The following WFS1 variants were observed in gnomAD, a reference collection of about 807,000 sequenced individuals.
WFS1 encodes wolframin ER transmembrane glycoprotein, also known as wolframin.
In WFS1, 90 loss-of-function variants were observed where a neutral mutation model predicts 68.5. That is an observed-to-expected ratio of 1.31 (90% CI 1.11 to 1.56). The LOEUF (loss-of-function observed/expected upper bound fraction) is 1.56. Among genes scored for constraint, WFS1 ranks in the 40% most tolerant of loss-of-function variants. WFS1 has a pLI of 0.00. For missense variants in WFS1, 1,767 were observed against 1,232.6 expected, an observed-to-expected ratio of 1.43 and a Z score of -6.49; for synonymous variants, 860 against 540.7, an observed-to-expected ratio of 1.59 and a Z score of -8.19.
chr4:6,299,863 G>C (rs1326331198), intron 7 of WFS1, among the ~76,000 whole-genome samples: 3 of 138,902 alleles, frequency 2.2e-5, no homozygotes, highest in African/African-American at 8.3e-5. Flanking sequence ...GAATGCGTGT[G>C]TGTAGGGGTG....
Position 6,288,002 on chromosome 4 carries a change from A to ATCAG in WFS1, c.315+827_315+828insTCAG, listed in dbSNP as rs1359693602. On this transcript the variant is annotated intron_variant, in intron 3 of 7. Coordinates refer to ENST00000226760, the MANE Select transcript of WFS1 (RefSeq NM_006005.3). Reference sequence around the variant, plus strand: ...GAGGCTGAGGCGGGTGGATCACCTGAGGTCAGGAGTTCGTGACCAGCCTGG... The same window carrying ATCAG: ...GAGGCTGAGGCGGGTGGATCACCTGATCAGGGTCAGGAGTTCGTGACCAGCCTGG... Among the ~76,000 whole-genome samples the ATCAG allele has an allele frequency of 6.6e-5, 10 of 152,274 alleles. No individual in the cohort carries two copies. The South Asian group carries it at 1.9e-3, about 28-fold the overall frequency.
chr4:6,301,571 G>A lies in WFS1; in HGVS notation c.1776G>A (p.Leu592=). Residue 592 remains leucine (L), a synonymous_variant, in exon 8 of 8, where the codon CTG becomes CTA. Transcript: ENST00000226760. ...VLQFARWFTS[L]ELTKIAVTVA... Reference sequence around the variant, plus strand: ...AGTTCGCCCGGTGGTTCACGTCTCTGGAGCTCACCAAGATCGCAGTCACCG... The same window carrying A: ...AGTTCGCCCGGTGGTTCACGTCTCTAGAGCTCACCAAGATCGCAGTCACCG... The A allele has an allele frequency of 5.0e-6, 8 of 1,614,148 alleles. No individual in the cohort carries two copies. Among genetic ancestry groups the A allele is most frequent in the South Asian group, 1.1e-5 (1 of 91,088 alleles).
intron 2 of WFS1, among the ~76,000 whole-genome samples, chr4:6,285,915 C>T (rs762536957): frequency 5.7e-4 from 87 of 152,318 alleles, no homozygotes; most frequent in Non-Finnish European, 1.1e-3. Context: ...CAGGTAACTT[C>T]TTAGGAAGTA....
intron 5 of WFS1, 94 bp downstream of exon 5, chr4:6,291,461 G>A: frequency 2.0e-6 from 3 of 1,511,234 alleles, no homozygotes; most frequent in Non-Finnish European, 2.7e-6. Flanking sequence ...CCTTCCCTCA[G>A]GGGCTGGGTC....
chr4:6,301,611 G>A lies in WFS1; in HGVS notation c.1816G>A (p.Val606Met), dbSNP rs750599648. Residue 606 changes from valine to methionine, a missense_variant, in exon 8 of 8, where the codon GTG becomes ATG. Coordinates refer to ENST00000226760, the MANE Select transcript of WFS1 (RefSeq NM_006005.3). Reference sequence around the variant, plus strand: ...CGCAGTCACCGTGGCGGTCTGTAGTGTGCCCCTGCTGTTGCGCTGGTGGAC... The same window carrying A: ...CGCAGTCACCGTGGCGGTCTGTAGTATGCCCCTGCTGTTGCGCTGGTGGAC... ...KIAVTVAVCSVPLLLRWWTKA... is the reference protein window; with the variant it reads ...KIAVTVAVCSMPLLLRWWTKA... 2.5e-6 allele frequency: 4 copies of A among 1,614,156 alleles called. No homozygotes were observed. The highest frequency in any genetic ancestry group is 2.7e-5 in the African/African-American group (2 of 75,064).
At chr4:6,288,802 G>A in intron 3 of WFS1, 185 bp from the exon 4 acceptor site, 1 of 843,546 alleles carries the variant, frequency 1.2e-6, no homozygotes, top group East Asian at 2.7e-5. Context: ...CGTGTTTTGA[G>A]GAGCGAGTGG....
At chr4:6,270,599 G>A (rs1024131322) in intron 1 of WFS1, among the ~76,000 whole-genome samples, 1 of 152,212 alleles carries the variant, frequency 6.6e-6, no homozygotes, top group Non-Finnish European at 1.5e-5. Flanking sequence ...CCCCTCAGTA[G>A]AGAGTTGAGG....
At position 6,277,504 on chromosome 4, in the gene WFS1, C is replaced by T. The variant is rs1387199594; in HGVS notation, c.49C>T (p.Pro17Ser). Residue 17 changes from proline (P) to serine (S), a missense_variant, in exon 2 of 8, where the codon CCA becomes TCA. Transcript: ENST00000226760. ...PLGPSCPQPP[P>S]APQPQARSRL... The stretch of plus-strand genomic sequence containing the variant: ...GGGCCCCTCCTGCCCACAGCCCCCG[C>T]CAGCACCGCAGCCCCAGGCGCGTTC... The T allele has an allele frequency of 2.5e-6, 4 of 1,577,686 alleles. No homozygotes were observed. The highest frequency in any genetic ancestry group is 3.4e-6 in the Non-Finnish European group (4 of 1,162,364).
In WFS1 at chr4:6,300,704, G is replaced by C. The variant is rs758091097; in HGVS notation, c.909G>C (p.Leu303=). 6.8e-6 allele frequency: 11 copies of C among 1,613,948 alleles called. No homozygotes were observed. The highest frequency in any genetic ancestry group is 9.3e-6 in the Non-Finnish European group (11 of 1,179,994). ...CCATCATGGAGATCAAGGAGTACCT[G>C]ATTGACATGGCCTCCAGGGCAGGCA... ...LHAIMEIKEY[L]IDMASRAGMH... The change falls in exon 8 of 8, where the codon CTG becomes CTC. Residue 303 remains leucine, a synonymous_variant. Transcript: ENST00000226760.
intron 1 of WFS1, among the ~76,000 whole-genome samples, chr4:6,271,576 A>G (rs1377656896): frequency 6.6e-6 from 1 of 151,804 alleles, no homozygotes; most frequent in East Asian, 1.9e-4. Context: ...CCACTTCCCT[A>G]CTTCCGGAAG....
At chr4:6,297,112 GAC>G (rs1730659192) in intron 7 of WFS1, among the ~76,000 whole-genome samples, 1 of 152,262 alleles carries the variant, frequency 6.6e-6, no homozygotes, top group Non-Finnish European at 1.5e-5. Flanking sequence ...TCAGGCGTGA[GAC>G]ACTGTATCCA....
chr4:6,281,725 G>A (rs917601755), intron 2 of WFS1, among the ~76,000 whole-genome samples: 2 of 152,072 alleles, frequency 1.3e-5, no homozygotes, highest in African/African-American at 4.8e-5. Context: ...CTGCCCTGGG[G>A]ACAGGCACAG....
At chr4:6,280,869 C>T (rs3889821) in intron 2 of WFS1, among the ~76,000 whole-genome samples, 85,408 of 150,610 alleles carry the variant, frequency 0.57, 25,151 homozygotes, top group East Asian at 0.93. Context: ...AGGTGAGATT[C>T]GGGAGCTTTC....
At chr4:6,279,439 C>T (rs1032632439) in intron 2 of WFS1, among the ~76,000 whole-genome samples, 2 of 152,168 alleles carry the variant, frequency 1.3e-5, no homozygotes, top group African/African-American at 4.8e-5. Flanking sequence ...CCCAGCGTCC[C>T]GTGGTTGGTG....
chr4:6,297,524 A>G (rs528034439), intron 7 of WFS1, among the ~76,000 whole-genome samples: 56 of 152,328 alleles, frequency 3.7e-4, no homozygotes, highest in Middle Eastern at 3.4e-3. Context: ...TTAACATTAC[A>G]TAATTGGAAG....
At chr4:6,292,030 C>T (rs921165472) in intron 6 of WFS1, 33 bp downstream of exon 6, 4 of 1,571,096 alleles carry the variant, frequency 2.5e-6, no homozygotes, top group Admixed American at 1.8e-5. Flanking sequence ...CTCACCCATG[C>T]CTCCCAGCCT....
intron 7 of WFS1, among the ~76,000 whole-genome samples, chr4:6,295,586 C>T (rs373695895): frequency 6.6e-6 from 1 of 152,180 alleles, no homozygotes; most frequent in Middle Eastern, 3.2e-3. Flanking sequence ...ATGCCTTCCC[C>T]GAAAACAAAG....
At chr4:6,277,415 G>A (rs372110015) in intron 1 of WFS1, 36 bp from the exon 2 acceptor site, 15 of 1,540,792 alleles carry the variant, frequency 9.7e-6, no homozygotes, top group South Asian at 2.4e-5. Context: ...GGGCTCTGCC[G>A]GTGCTGGATG....
At chr4:6,299,442 A>G (rs551940110) in intron 7 of WFS1, among the ~76,000 whole-genome samples, 5 of 130,554 alleles carry the variant, frequency 3.8e-5, no homozygotes, top group East Asian at 4.9e-4. Context: ...GCACACGTGT[A>G]GGGGTGGGTG....
Sources: allele counts gnomAD v4.1 joint callset (sites outside exome capture counted in the v4.1 genomes callset), GRCh38; gene constraint gnomAD v4.1.1; transcripts MANE v1.5; gene names NCBI Gene and HGNC (gene_info 2026-07-23, HGNC 2026-07-21).